Variants in AP2S1 observed in about 807,000 individuals in gnomAD.
The protein encoded by AP2S1 is adaptor related protein complex 2 subunit sigma 1, also known as AP-2 complex subunit sigma.
Under a neutral mutation model 21.0 loss-of-function variants are expected in AP2S1, and 6 were observed. That is an observed-to-expected ratio of 0.29 (90% CI 0.16 to 0.56). AP2S1 has a LOEUF of 0.56. Among genes scored for constraint, AP2S1 ranks in the 20% least tolerant of loss-of-function variants. The pLI is 0.92. For synonymous variants in AP2S1, 63 were observed against 74.6 expected, an observed-to-expected ratio of 0.84 and a Z score of 0.80; for missense variants, 60 against 186.2, an observed-to-expected ratio of 0.32 and a Z score of 3.95.
chr19:46,845,132 G>A (rs1315686495), intron 2 of AP2S1, among the ~76,000 whole-genome samples: 9 of 144,304 alleles, frequency 6.2e-5, no homozygotes, highest in Non-Finnish European at 1.2e-4. Flanking sequence ...AAAAAGGCCA[G>A]GCGCAGTGGC....
At chr19:46,839,337 T>C (rs1328986126) in intron 3 of AP2S1, 128 bp downstream of exon 3, 3 of 611,202 alleles carry the variant, frequency 4.9e-6, no homozygotes, top group South Asian at 3.0e-5. Flanking sequence ...AAAAAAGAAA[T>C]GGAGAGGGAG....
At chr19:46,850,728 C>A (rs749474537) in intron 1 of AP2S1, 36 bp downstream of exon 1, 15 of 1,526,510 alleles carry the variant, frequency 9.8e-6, no homozygotes, top group Middle Eastern at 3.4e-4. Context: ...GTGGGCCCCC[C>A]CTCCGCCAGT....
In AP2S1 at chr19:46,838,236, C is replaced by T. The variant is rs2055445697; in HGVS notation, c.*211G>A. The T allele has an allele frequency of 3.4e-6, 2 of 591,310 alleles. No homozygotes were observed. Among genetic ancestry groups the T allele is most frequent in the South Asian group, 2.0e-5 (1 of 50,194 alleles). The allele number at this position is 591,310 out of a possible 1,614,324, so 36.6% of individuals were successfully genotyped here. The stretch of plus-strand genomic sequence containing the variant: ...CTTATGGCATCACACGACAACGGCA[C>T]GGTTACTCGGGACACACACGGTGGC... On this transcript the variant is annotated 3_prime_UTR_variant, in exon 5 of 5. Coordinates refer to ENST00000263270, the MANE Select transcript of AP2S1 (RefSeq NM_004069.6). This position sits in a 1 kb window ranked among gnomAD's most constrained non-coding sequence, Gnocchi z 4.1.
chr19:46,844,789 GCTC>G (rs2055593078), intron 2 of AP2S1, among the ~76,000 whole-genome samples: 1 of 150,796 alleles, frequency 6.6e-6, no homozygotes, highest in Non-Finnish European at 1.5e-5. Flanking sequence ...GACAGAATGA[GCTC>G]CTGTTTCAAA....
At chr19:46,849,689 C>T (rs563633015) in intron 1 of AP2S1, among the ~76,000 whole-genome samples, 1 of 151,938 alleles carries the variant, frequency 6.6e-6, no homozygotes. Context: ...CCTCTAGATG[C>T]CCCCCAACCT....
chr19:46,850,788 A>AGCGGCC lies in AP2S1; in HGVS notation c.-28_-23dup, dbSNP rs2055725973. 1 of 1,567,396 alleles carries AGCGGCC rather than the reference A, an allele frequency of 6.4e-7. No homozygotes were observed. Among genetic ancestry groups the AGCGGCC allele is most frequent in the Admixed American group, 1.8e-5 (1 of 55,086 alleles). ...CCATGGCGACCCCCGTCCAGACCCCAGCGGCCCCGGTCCCGCGGCGACTGG... is the reference window on the plus strand; with the variant it reads ...CCATGGCGACCCCCGTCCAGACCCCAGCGGCCGCGGCCCCGGTCCCGCGGCGACTGG... On this transcript the variant is annotated 5_prime_UTR_variant, in exon 1 of 5. Coordinates refer to ENST00000263270, the MANE Select transcript of AP2S1 (RefSeq NM_004069.6).
At chr19:46,850,013 G>T in intron 1 of AP2S1, 3 of 887,366 alleles carry the variant, frequency 3.4e-6, no homozygotes, top group Non-Finnish European at 4.5e-6. Flanking sequence ...TTGAGTCTTT[G>T]CCCCAACAAA....
chr19:46,848,945 T>TTG (rs2055684714), intron 1 of AP2S1, among the ~76,000 whole-genome samples: 1 of 150,468 alleles, frequency 6.6e-6, no homozygotes, highest in African/African-American at 2.4e-5. Flanking sequence ...ACTCCTGACC[T>TTG]TGTGATCTGC....
chr19:46,839,567 A>G lies in AP2S1; in HGVS notation c.165T>C (p.Phe55=). ...CAGCATAGCGGCGGTAAATGATCTT[A>G]AAGTTCCGGAACTGCAGAACAGAGA... ...KHTNFVEFRN[F]KIIYRRYAGL... Residue 55 remains phenylalanine, a synonymous_variant, in exon 3 of 5, where the codon TTT becomes TTC. Transcript: ENST00000263270. 1 of 1,614,148 alleles carries G rather than the reference A, an allele frequency of 6.2e-7. No homozygotes were observed. Among genetic ancestry groups the G allele is most frequent in the Non-Finnish European group, 8.5e-7 (1 of 1,180,028 alleles).
At position 46,838,788 on chromosome 19, in the gene AP2S1, T is replaced by C. The variant is rs759178654; in HGVS notation, c.279A>G (p.Glu93=). The C allele has an allele frequency of 5.6e-6, 9 of 1,612,946 alleles. No individual in the cohort carries two copies. The highest frequency in any genetic ancestry group is 7.6e-6 in the Non-Finnish European group (9 of 1,179,262). The part of the protein sequence containing the change: ...AIHNFVEVLN[E]YFHNVCELDL... ...CCAGTTCACAGACATTGTGGAAATATTCGTTTAAGACCTGGGAGAGGAAGG... is the reference window on the plus strand; with the variant it reads ...CCAGTTCACAGACATTGTGGAAATACTCGTTTAAGACCTGGGAGAGGAAGG... Residue 93 remains glutamate (E), a synonymous_variant, in exon 4 of 5, where the codon GAA becomes GAG. Coordinates refer to ENST00000263270, the MANE Select transcript of AP2S1 (RefSeq NM_004069.6). The surrounding 1 kb of genome is among the most constrained non-coding windows in gnomAD (Gnocchi z 4.1).
At chr19:46,839,680 G>C (rs554941340) in intron 2 of AP2S1, 102 bp from the exon 3 acceptor site, 2 of 1,551,628 alleles carry the variant, frequency 1.3e-6, no homozygotes, top group Admixed American at 1.9e-5. Context: ...ACGTGGTCCC[G>C]AGGCCCAGCT....
rs940045554 is a variant in AP2S1, at chr19:46,840,754, G to A, written c.154-1176C>T. On this transcript the variant is annotated intron_variant, in intron 2 of 4. Coordinates refer to ENST00000263270, the MANE Select transcript of AP2S1 (RefSeq NM_004069.6). ...TTTTTTTTTTTTTGAGTCTGGCTCT[G>A]ACGCCCAGGCTGGAGAGCAGTGGCT... 2.7e-4 allele frequency among the ~76,000 whole-genome samples: 34 copies of A among 125,316 alleles called. No individual in the cohort carries two copies. The Admixed American group carries it at 3.4e-3, about 13-fold the overall frequency. 82.2% of individuals were successfully genotyped at this position (125,316 alleles called of 152,430 possible). A position where few individuals can be genotyped will look rare whatever the true frequency, so the allele number is the denominator to read the frequency against.
chr19:46,840,214 A>G (rs1226482351), intron 2 of AP2S1, among the ~76,000 whole-genome samples: 1 of 152,008 alleles, frequency 6.6e-6, no homozygotes, highest in Non-Finnish European at 1.5e-5. Context: ...GTGAACAAAC[A>G]TGCCAGGATC....
Position 46,838,210 on chromosome 19 carries a change from G to A in AP2S1, c.*237C>T, listed in dbSNP as rs117577810. The A allele has an allele frequency of 2.7e-4, 154 of 565,396 alleles. No individual in the cohort carries two copies. In the East Asian group the frequency reaches 4.4e-3, roughly 16 times the overall value. The allele number at this position is 565,396 out of a possible 1,614,324, so 35.0% of individuals were successfully genotyped here. The stretch of plus-strand genomic sequence containing the variant: ...TTTATTGGGGACTCCACGCACAGAC[G>A]CTTATGGCATCACACGACAACGGCA... On this transcript the variant is annotated 3_prime_UTR_variant, in exon 5 of 5. Coordinates refer to ENST00000263270, the MANE Select transcript of AP2S1 (RefSeq NM_004069.6). The surrounding 1 kb of genome is among the most constrained non-coding windows in gnomAD (Gnocchi z 4.1).
chr19:46,843,640 T>C (rs2055567392), intron 2 of AP2S1, among the ~76,000 whole-genome samples: 1 of 152,064 alleles, frequency 6.6e-6, no homozygotes, highest in Non-Finnish European at 1.5e-5. Context: ...GGAGAATTGC[T>C]TGACCCCGAG....
At position 46,838,608 on chromosome 19, in the gene AP2S1, G is replaced by A; in HGVS notation, c.328-60C>T. On this transcript the variant is annotated intron_variant, in intron 4 of 4. Coordinates refer to ENST00000263270, the MANE Select transcript of AP2S1 (RefSeq NM_004069.6). The surrounding 1 kb of genome is among the most constrained non-coding windows in gnomAD (Gnocchi z 4.1). ...CCCCCAGGATGCTGGCCCGGACCCT[G>A]GAAGCTGGGGCTCTGATGCCCCTCG... The A allele has an allele frequency of 6.3e-7, 1 of 1,594,282 alleles. No homozygotes were observed. Among genetic ancestry groups the A allele is most frequent in the South Asian group, 1.1e-5 (1 of 90,614 alleles).
At chr19:46,847,373 C>T (rs1485956383) in intron 1 of AP2S1, among the ~76,000 whole-genome samples, 3 of 151,900 alleles carry the variant, frequency 2.0e-5, no homozygotes, top group Non-Finnish European at 2.9e-5. Flanking sequence ...CACACCACCA[C>T]GCCCAGCTAA....
chr19:46,846,769 G>A (rs906575105), intron 1 of AP2S1, among the ~76,000 whole-genome samples: 3 of 152,072 alleles, frequency 2.0e-5, no homozygotes, highest in African/African-American at 7.2e-5. Flanking sequence ...AGGTTCAAGC[G>A]ATTCTCCTGC....
chr19:46,843,933 A>AC (rs2055572668), intron 2 of AP2S1, among the ~76,000 whole-genome samples: 2 of 151,060 alleles, frequency 1.3e-5, no homozygotes, highest in South Asian at 4.2e-4. Flanking sequence ...TTTTTTTGAG[A>AC]GGAGTCTTGT....
Sources: allele counts gnomAD v4.1 joint callset (sites outside exome capture counted in the v4.1 genomes callset), GRCh38; gene constraint gnomAD v4.1.1; non-coding constraint Gnocchi (gnomAD v3.1); transcripts MANE v1.5; gene names NCBI Gene and HGNC (gene_info 2026-07-23, HGNC 2026-07-21).